Variants in COL10A1 observed in about 807,000 individuals in gnomAD.
COL10A1 encodes collagen alpha-1(X) chain.
In COL10A1, 10 loss-of-function variants were observed where a neutral mutation model predicts 18.2. The observed-to-expected ratio is 0.55, with a 90% confidence interval of 0.34 to 0.93. COL10A1 has a LOEUF of 0.93. COL10A1 is among the 40% of genes least tolerant of loss of function. The probability of loss-of-function intolerance (pLI) is 0.02; values close to 1 mark genes in which losing one functional copy is unlikely to be tolerated. For synonymous variants in COL10A1, 330 were observed against 316.6 expected (o/e 1.04, Z -0.45); for missense variants, 897 against 853.5 (o/e 1.05, Z -0.64).
chr6:116,208,236 T>C, the COL10A1 span, among the ~76,000 whole-genome samples: 1 of 152,038 alleles, frequency 6.6e-6, no homozygotes, highest in Non-Finnish European at 1.5e-5. Context: ...TGAGTCTGCT[T>C]TGCCCGGAGG....
rs760982462 is a variant in COL10A1, at chr6:116,121,956, C to G, written c.160G>C (p.Ala54Pro). 1.6e-5 allele frequency: 25 copies of G among 1,611,964 alleles called. 1 individual carries two copies. The South Asian group carries it at 2.7e-4, about 18-fold the overall frequency. The change falls in exon 3 of 3, where the codon GCA (alanine) becomes CCA (proline). Residue 54 changes from alanine (A) to proline (P), a missense_variant. Physicochemically the swap from Ala to Pro is conservative, Grantham distance 27. Transcript: ENST00000651968. ...IPYTIKSKGI[A>P]VRGEQGTPGP... is the part of the protein sequence containing the mutation. ...GGAGTACCTTGCTCTCCTCTTACTG[C>G]TATACCTAAAAGACACACCCAACAC...
the COL10A1 span, among the ~76,000 whole-genome samples, chr6:116,208,011 A>G: frequency 6.6e-6 from 1 of 151,958 alleles, no homozygotes; most frequent in African/African-American, 2.4e-5. Context: ...GAAGAAACAC[A>G]GTGAAAGTTC....
intron 1 of COL10A1, among the ~76,000 whole-genome samples, chr6:116,155,330 C>A (rs950952801): frequency 6.6e-6 from 1 of 152,072 alleles, no homozygotes; most frequent in African/African-American, 2.4e-5. Flanking sequence ...TTATTAATGA[C>A]CAATTCATTT....
intron 1 of COL10A1, chr6:116,158,546 C>T (rs994375076): frequency 1.3e-5 from 2 of 152,078 alleles, no homozygotes; most frequent in Non-Finnish European, 2.9e-5. Context: ...AGTATTTTTG[C>T]CCTGTTTTTC....
intron 1 of COL10A1, among the ~76,000 whole-genome samples, chr6:116,153,316 T>A (rs1200319808): frequency 1.4e-5 from 2 of 143,018 alleles, no homozygotes; most frequent in African/African-American, 5.5e-5. Flanking sequence ...TTACACAGAC[T>A]GCCCATAAAC....
rs147423847 is a variant in COL10A1 at position 116,120,269 on chromosome 6, T to A, written c.1847A>T (p.Lys616Met). The A allele has an allele frequency of 2.4e-5, 39 of 1,614,108 alleles. No individual in the cohort carries two copies. The African/African-American group carries it at 4.9e-4, about 20-fold the overall frequency. Residue 616 changes from lysine (K) to methionine (M), a missense_variant, in exon 3 of 3, where the codon AAG becomes ATG. Transcript: ENST00000651968. ...GGTGTACATTACAGGGGTGCCATTC[T>A]TATACAGGCCTACCCAAACATGAGT... ...KGTHVWVGLY[K>M]NGTPVMYTYD...
At chr6:116,183,189 T>C in the COL10A1 span, among the ~76,000 whole-genome samples, 1 of 152,120 alleles carries the variant, frequency 6.6e-6, no homozygotes, top group African/African-American at 2.4e-5. Flanking sequence ...GCTGTAAGTA[T>C]TTGGCTTTAT....
At chr6:116,201,024 C>A in the COL10A1 span, among the ~76,000 whole-genome samples, 2 of 151,914 alleles carry the variant, frequency 1.3e-5, no homozygotes, top group Non-Finnish European at 2.9e-5. Flanking sequence ...TATGGTAGCA[C>A]CCCACAGCAC....
rs762520379 is a variant in COL10A1, at chr6:116,120,132, G to T, written c.1984C>A (p.Leu662Ile). ...GAGTGGACATACTCAGAGGAGTATA[G>T]GCCATTTGACTCGGCATTGGGAAGC... ...LQLPNAESNGLYSSEYVHSSF... is the reference protein window; with the variant it reads ...LQLPNAESNGIYSSEYVHSSF... The change falls in exon 3 of 3, where the codon CTA becomes ATA. Residue 662 changes from leucine (L) to isoleucine (I), a missense_variant. Physicochemically the swap from Leu to Ile is conservative, Grantham distance 5. Transcript: ENST00000651968. 3.7e-5 allele frequency: 60 copies of T among 1,614,014 alleles called. No individual in the cohort carries two copies. Among genetic ancestry groups the T allele is most frequent in the Non-Finnish European group, 4.7e-5 (55 of 1,180,046 alleles).
the COL10A1 span, among the ~76,000 whole-genome samples, chr6:116,165,215 A>G: frequency 1.3e-5 from 2 of 151,570 alleles, no homozygotes; most frequent in African/African-American, 4.9e-5. Flanking sequence ...TGTTAGTCTG[A>G]TAGGATTTCC....
At chr6:116,123,517 C>T (rs1779200562) in intron 2 of COL10A1, among the ~76,000 whole-genome samples, 1 of 152,214 alleles carries the variant, frequency 6.6e-6, no homozygotes, top group South Asian at 2.1e-4. Context: ...TGCATCTGCC[C>T]ACCAGCTGTG....
chr6:116,204,604 C>T, the COL10A1 span, among the ~76,000 whole-genome samples: 1 of 151,792 alleles, frequency 6.6e-6, no homozygotes. Flanking sequence ...ATGAGCCAGC[C>T]GTTTAACATT....
rs764944695 is a variant in COL10A1, at chr6:116,120,869, C to A, written c.1247G>T (p.Gly416Val). The change falls in exon 3 of 3, where the codon GGA becomes GTA. Residue 416 changes from glycine (G) to valine (V), a missense_variant. Transcript: ENST00000651968. Reference protein sequence around the residue: ...PGPKGDPGVGGPPGLPGPVGP... With the variant: ...PGPKGDPGVGVPPGLPGPVGP... ...CACAGGGCCTGGGAGACCAGGAGGT[C>A]CTCCAACTCCAGGATCACCTTTTGG... The A allele has an allele frequency of 5.6e-6, 9 of 1,613,852 alleles. No homozygotes were observed. Among genetic ancestry groups the A allele is most frequent in the Non-Finnish European group, 3.4e-6 (4 of 1,179,932 alleles).
intron 1 of COL10A1, among the ~76,000 whole-genome samples, chr6:116,141,416 TAAGA>T (rs997334576): frequency 6.6e-6 from 1 of 152,110 alleles, no homozygotes; most frequent in African/African-American, 2.4e-5. Flanking sequence ...AACTTCTATC[TAAGA>T]AAGACTCCAT....
the COL10A1 span, among the ~76,000 whole-genome samples, chr6:116,183,669 A>G: frequency 6.6e-6 from 1 of 151,620 alleles, no homozygotes; most frequent in Admixed American, 6.6e-5. Flanking sequence ...AGCTTTTATA[A>G]AAGGGGTTGA....
the COL10A1 span, among the ~76,000 whole-genome samples, chr6:116,168,128 A>G: frequency 6.9e-6 from 1 of 144,000 alleles, no homozygotes; most frequent in East Asian, 2.0e-4. Flanking sequence ...GGCTTCTCAG[A>G]TATTCACTTA....
intron 1 of COL10A1, among the ~76,000 whole-genome samples, chr6:116,144,117 G>A (rs976653694): frequency 2.0e-5 from 3 of 152,154 alleles, no homozygotes; most frequent in Non-Finnish European, 4.4e-5. Context: ...GTATTCTGCA[G>A]TCAGATATTT....
chr6:116,212,124 T>C, the COL10A1 span, among the ~76,000 whole-genome samples: 2 of 152,112 alleles, frequency 1.3e-5, no homozygotes, highest in African/African-American at 2.4e-5. Context: ...TTCAAATTTT[T>C]TATTAAAAAG....
the COL10A1 span, among the ~76,000 whole-genome samples, chr6:116,198,996 C>A: frequency 2.0e-5 from 3 of 151,944 alleles, no homozygotes; most frequent in Non-Finnish European, 2.9e-5. Context: ...CTGGGTAATT[C>A]TTTGTTGGAG....
Sources: allele counts gnomAD v4.1 joint callset (sites outside exome capture counted in the v4.1 genomes callset), GRCh38; gene constraint gnomAD v4.1.1; transcripts MANE v1.5; gene names NCBI Gene and HGNC (gene_info 2026-07-23, HGNC 2026-07-21).